The following LUC7L2 variants were observed in gnomAD, a reference collection of about 807,000 sequenced individuals.
LUC7L2 encodes the protein LUC7 like 2, pre-mRNA splicing factor.
In LUC7L2, 25 loss-of-function variants were observed where a neutral mutation model predicts 52.8. The observed-to-expected ratio is 0.47, with a 90% confidence interval of 0.34 to 0.66. LUC7L2 has a LOEUF of 0.66. Among genes scored for constraint, LUC7L2 ranks in the 30% least tolerant of loss-of-function variants. LUC7L2 has a pLI of 0.01. For synonymous variants in LUC7L2, 144 were observed against 160.9 expected, an observed-to-expected ratio of 0.89 and a Z score of 0.80; for missense variants, 328 against 497.8, an observed-to-expected ratio of 0.66 and a Z score of 3.25.
At chr7:139,340,483 C>A in exon 1 of LUC7L2, 1 of 398,568 alleles carries the variant, frequency 2.5e-6, no homozygotes, top group South Asian at 1.3e-4. Flanking sequence ...TGCGCGCGCC[C>A]GTTCAACGTC....
At chr7:139,340,635 A>G (rs1798889308) in intron 1 of LUC7L2, 2 of 396,638 alleles carry the variant, frequency 5.0e-6, no homozygotes, top group African/African-American at 2.1e-5. Context: ...GCGAAAATGA[A>G]GTGACGATGA....
At position 139,402,215 on chromosome 7, in the gene LUC7L2, C is replaced by A; in HGVS notation, c.334C>A (p.Gln112Lys). Residue 112 changes from glutamine to lysine, a missense_variant, in exon 4 of 10, where the codon CAA (glutamine) becomes AAA (lysine). This residue lies in a region of LUC7L2 where 133 missense variants were observed against 274.4 expected (regional missense o/e 0.48). Transcript: ENST00000354926. ...EVAKKRLAET[Q>K]EEISAEVAAK... is the part of the protein sequence containing the mutation. ...GGCCAAGAAAAGATTAGCAGAAACT[C>A]AAGAAGAGATTAGTGCTGAAGTAGC... The A allele has an allele frequency of 6.2e-7, 1 of 1,609,880 alleles. No individual in the cohort carries two copies. The highest frequency in any genetic ancestry group is 1.1e-5 in the South Asian group (1 of 90,230).
At chr7:139,391,846 C>T (rs1268707666) in intron 2 of LUC7L2, among the ~76,000 whole-genome samples, 2 of 152,134 alleles carry the variant, frequency 1.3e-5, no homozygotes, top group African/African-American at 4.8e-5. Flanking sequence ...CTCAGGCTCC[C>T]ATAGTGCTGG....
chr7:139,423,361 TG>T lies in LUC7L2; in HGVS notation c.*1022del. On this transcript the variant is annotated 3_prime_UTR_variant, in exon 10 of 10. Transcript: ENST00000354926. ...CCAGCCACTTCAGGGTTGTTTGTAA[TG>T]ACCGTTATAGAGAAGGGCTCGACCT... The T allele has an allele frequency of 2.5e-6, 1 of 399,028 alleles. No homozygotes were observed. The highest frequency in any genetic ancestry group is 4.4e-6 in the Non-Finnish European group (1 of 226,056). The allele number at this position is 399,028 out of a possible 1,614,324, so 24.7% of individuals were successfully genotyped here. A position where few individuals can be genotyped will look rare whatever the true frequency, so the allele number is the denominator to read the frequency against.
chr7:139,410,220 A>G (rs1795300242), intron 7 of LUC7L2, among the ~76,000 whole-genome samples: 1 of 151,834 alleles, frequency 6.6e-6, no homozygotes, highest in African/African-American at 2.4e-5. Context: ...AAAAAAAAAG[A>G]TTTATAACAA....
intron 3 of LUC7L2, among the ~76,000 whole-genome samples, chr7:139,400,684 T>C (rs1457924742): frequency 6.6e-6 from 1 of 152,192 alleles, no homozygotes; most frequent in Non-Finnish European, 1.5e-5. Context: ...GATATGGATC[T>C]AGTCTCCCCC....
chr7:139,345,878 C>G, intron 1 of LUC7L2: 1 of 701,518 alleles, frequency 1.4e-6, no homozygotes, highest in Non-Finnish European at 2.2e-6. Flanking sequence ...ATTTACTGAA[C>G]TTTTTGCACT....
At chr7:139,360,499 G>A (rs1799818128) in intron 1 of LUC7L2, among the ~76,000 whole-genome samples, 177 bp downstream of exon 1, 1 of 152,248 alleles carries the variant, frequency 6.6e-6, no homozygotes, top group African/African-American at 2.4e-5. Flanking sequence ...GGCAGGGGGG[G>A]CGGTGACCAT....
At chr7:139,350,188 C>G (rs958187624) in intron 1 of LUC7L2, among the ~76,000 whole-genome samples, 1 of 152,080 alleles carries the variant, frequency 6.6e-6, no homozygotes, top group Non-Finnish European at 1.5e-5. Context: ...GTGGCGCGAT[C>G]TCTGCTCACT....
intron 8 of LUC7L2, 56 bp downstream of exon 8, chr7:139,412,636 G>GTTTTTAT: frequency 6.5e-7 from 1 of 1,540,010 alleles, no homozygotes; most frequent in South Asian, 1.3e-5. Flanking sequence ...TTCAAAGGTA[G>GTTTTTAT]TTTTTATAGA....
intron 3 of LUC7L2, among the ~76,000 whole-genome samples, chr7:139,399,405 A>G (rs1405487057): frequency 6.8e-6 from 1 of 147,772 alleles, no homozygotes; most frequent in Non-Finnish European, 1.5e-5. Context: ...CCTGGAACCA[A>G]TCTCCCACAG....
chr7:139,363,631 T>C (rs1799989910), intron 1 of LUC7L2, among the ~76,000 whole-genome samples: 1 of 152,262 alleles, frequency 6.6e-6, no homozygotes, highest in South Asian at 2.1e-4. Flanking sequence ...TATGATTCAT[T>C]ACGTTTTATA....
intron 1 of LUC7L2, among the ~76,000 whole-genome samples, chr7:139,367,589 A>G (rs1051882599): frequency 6.6e-6 from 1 of 152,194 alleles, no homozygotes; most frequent in Non-Finnish European, 1.5e-5. Flanking sequence ...TGTAACACCT[A>G]AAGTCATCTT....
At chr7:139,382,572 G>A (rs1395411015) in intron 2 of LUC7L2, among the ~76,000 whole-genome samples, 1 of 151,912 alleles carries the variant, frequency 6.6e-6, no homozygotes, top group East Asian at 1.9e-4. Context: ...TTGTAGAGAC[G>A]AAGTTTCACT....
intron 1 of LUC7L2, among the ~76,000 whole-genome samples, chr7:139,362,375 A>G (rs900115390): frequency 6.6e-6 from 1 of 151,994 alleles, no homozygotes; most frequent in Non-Finnish European, 1.5e-5. Context: ...GACTTTTAAT[A>G]ATTAGGATTG....
At chr7:139,360,764 C>T (rs1356657638) in intron 1 of LUC7L2, among the ~76,000 whole-genome samples, 1 of 152,170 alleles carries the variant, frequency 6.6e-6, no homozygotes, top group Non-Finnish European at 1.5e-5. Context: ...AAGCTTCCCC[C>T]TCCTCTTCCT....
chr7:139,417,525 T>G lies in LUC7L2; in HGVS notation c.810-13T>G. ...TTACAAAGGTAGAAACAAAATCAAA[T>G]CTTGTCTGGTAGATCCAGGTCCAGA... On this transcript the variant is annotated splice_polypyrimidine_tract_variant and intron_variant, in intron 8 of 9. Transcript: ENST00000354926. 6.2e-7 allele frequency: 1 copy of G among 1,604,232 alleles called. No individual in the cohort carries two copies. The highest frequency in any genetic ancestry group is 8.5e-7 in the Non-Finnish European group (1 of 1,172,132).
upstream of LUC7L2, among the ~76,000 whole-genome samples, chr7:139,358,398 C>T (rs117820613): frequency 1.8e-3 from 281 of 152,338 alleles, no homozygotes; most frequent in Non-Finnish European, 3.3e-3. Context: ...GATGAGTATA[C>T]AGTGTTAATG....
intron 3 of LUC7L2, among the ~76,000 whole-genome samples, chr7:139,399,013 G>A (rs1328617251): frequency 6.6e-6 from 1 of 151,906 alleles, no homozygotes; most frequent in Non-Finnish European, 1.5e-5. Context: ...TGTATATAAG[G>A]ACCTATCTTT....
Sources: gnomAD v4.1 joint callset for allele counts (sites outside exome capture counted in the v4.1 genomes callset) on GRCh38, gnomAD v4.1.1 for gene constraint, gnomAD v4.1.1 regional missense constraint, MANE v1.5 for transcripts, NCBI Gene and HGNC (gene_info 2026-07-23, HGNC 2026-07-21) for gene names.